ARL14EPL: variants seen among roughly 807,000 people sequenced by gnomAD.
ARL14EPL encodes the protein ARL14 effector protein-like.
A neutral mutation model predicts 15.9 loss-of-function variants in ARL14EPL; 17 were observed. The observed-to-expected ratio is 1.07, with a 90% CI of 0.73 to 1.60. ARL14EPL has a LOEUF of 1.60. ARL14EPL is among the 40% of genes most tolerant of loss of function. The pLI, the probability that ARL14EPL is intolerant of heterozygous loss-of-function variation, is 0.00. For missense variants in ARL14EPL, 214 were observed against 185.9 expected, an observed-to-expected ratio of 1.15 and a Z score of -0.88; for synonymous variants, 78 against 63.8, an observed-to-expected ratio of 1.22 and a Z score of -1.06.
chr5:116,047,694 T>A (rs976942036), intron 1 of ARL14EPL, among the ~76,000 whole-genome samples: 2 of 152,226 alleles, frequency 1.3e-5, no homozygotes, highest in African/African-American at 4.8e-5. Flanking sequence ...CAGGACCCTC[T>A]CTGGAATGGG....
chr5:116,044,327 C>G (rs115746373), intron 1 of ARL14EPL, among the ~76,000 whole-genome samples: 1,713 of 152,128 alleles, frequency 0.011, 23 homozygotes, highest in African/African-American at 0.037. Flanking sequence ...ATATCCAAAC[C>G]CTGGTGGCAG....
In ARL14EPL at chr5:116,058,968, A is replaced by G; in HGVS notation, c.*21A>G. 8 of 1,525,848 alleles carry G rather than the reference A, an allele frequency of 5.2e-6. No homozygotes were observed. Among genetic ancestry groups the G allele is most frequent in the Non-Finnish European group, 7.0e-6 (8 of 1,138,030 alleles). The allele number at this position is 1,525,848 out of a possible 1,614,324, so 94.5% of individuals were successfully genotyped here. Reference sequence around the variant, plus strand: ...ACTAGGTGCTCTTGTATATGGACTGATTTGTTTCTTCTTCTTACACATTTA... The same window carrying G: ...ACTAGGTGCTCTTGTATATGGACTGGTTTGTTTCTTCTTCTTACACATTTA... On this transcript the variant is annotated 3_prime_UTR_variant, in exon 4 of 4. Transcript: ENST00000686077.
chr5:116,034,987 A>AT (rs1376311531), intron 1 of ARL14EPL, among the ~76,000 whole-genome samples: 1 of 152,174 alleles, frequency 6.6e-6, no homozygotes, highest in Non-Finnish European at 1.5e-5. Flanking sequence ...TAAGATTTTC[A>AT]TTTTGTTTGA....
At chr5:116,052,727 A>G (rs1486739639) in intron 2 of ARL14EPL, among the ~76,000 whole-genome samples, 1 of 152,224 alleles carries the variant, frequency 6.6e-6, no homozygotes, top group Non-Finnish European at 1.5e-5. Flanking sequence ...ACATTATATT[A>G]TTTTAGACTT....
chr5:116,049,126 G>A (rs1390288347), intron 1 of ARL14EPL, among the ~76,000 whole-genome samples: 1 of 152,204 alleles, frequency 6.6e-6, no homozygotes, highest in Non-Finnish European at 1.5e-5. Flanking sequence ...ACCATCTTCA[G>A]TCAGGGACCA....
chr5:116,037,968 A>G (rs2112666466), intron 1 of ARL14EPL, among the ~76,000 whole-genome samples: 1 of 152,332 alleles, frequency 6.6e-6, no homozygotes, highest in African/African-American at 2.4e-5. Context: ...AAATGCTCTC[A>G]GTCACTGCTG....
intron 1 of ARL14EPL, among the ~76,000 whole-genome samples, chr5:116,050,355 C>G (rs1488170920): frequency 2.6e-5 from 4 of 152,166 alleles, no homozygotes; most frequent in Admixed American, 2.6e-4. Context: ...ATTTGGTTTT[C>G]GTTTTCTGTA....
At chr5:116,043,391 A>G (rs1749201303) in intron 1 of ARL14EPL, among the ~76,000 whole-genome samples, 1 of 152,126 alleles carries the variant, frequency 6.6e-6, no homozygotes, top group Admixed American at 6.5e-5. Context: ...TCTCTAAGAA[A>G]CCTGAGAATA....
At chr5:116,049,176 A>G (rs1483403592) in intron 1 of ARL14EPL, among the ~76,000 whole-genome samples, 1 of 152,220 alleles carries the variant, frequency 6.6e-6, no homozygotes, top group Non-Finnish European at 1.5e-5. Flanking sequence ...TGGAAAGACT[A>G]CATGGAGAAA....
intron 2 of ARL14EPL, 90 bp downstream of exon 2, chr5:116,051,651 G>A (rs971433116): frequency 2.7e-6 from 3 of 1,117,106 alleles, no homozygotes; most frequent in Admixed American, 4.5e-5. Flanking sequence ...TGGGAAGGTG[G>A]GCCCAGGCAG....
At chr5:116,046,224 A>G (rs913011938) in intron 1 of ARL14EPL, among the ~76,000 whole-genome samples, 1 of 152,210 alleles carries the variant, frequency 6.6e-6, no homozygotes, top group Non-Finnish European at 1.5e-5. Flanking sequence ...TATCTTACAG[A>G]TAGTGTCCCT....
At chr5:116,049,890 T>A (rs543567109) in intron 1 of ARL14EPL, among the ~76,000 whole-genome samples, 70 of 152,296 alleles carry the variant, frequency 4.6e-4, no homozygotes, top group African/African-American at 1.7e-3. Context: ...CCCAAAAAAA[T>A]AAATTAAAAT....
At chr5:116,053,745 A>G (rs61693992) in intron 2 of ARL14EPL, among the ~76,000 whole-genome samples, 3,232 of 152,300 alleles carry the variant, frequency 0.021, 115 homozygotes, top group African/African-American at 0.074. Flanking sequence ...TTGCGGTTTT[A>G]AAAAGAATTC....
intron 1 of ARL14EPL, among the ~76,000 whole-genome samples, chr5:116,043,830 T>G (rs116089347): frequency 0.013 from 1,979 of 152,300 alleles, 46 homozygotes; most frequent in African/African-American, 0.045. Flanking sequence ...TTACTACCTT[T>G]GCCTTCGGCC....
intron 1 of ARL14EPL, among the ~76,000 whole-genome samples, chr5:116,050,814 CTT>C (rs1318650496): frequency 7.4e-4 from 96 of 129,222 alleles, no homozygotes; most frequent in South Asian, 7.6e-4. Flanking sequence ...CTCTCTCTCT[CTT>C]ACACACACAC....
chr5:116,053,890 T>G (rs1028189381), intron 2 of ARL14EPL, 124 bp from the exon 3 acceptor site: 1 of 756,752 alleles, frequency 1.3e-6, no homozygotes, highest in Non-Finnish European at 1.9e-6. Context: ...CGTTTATGTC[T>G]TTGTGTAAAA....
At chr5:116,037,574 T>TTTTG (rs957983335) in intron 1 of ARL14EPL, among the ~76,000 whole-genome samples, 5 of 152,192 alleles carry the variant, frequency 3.3e-5, no homozygotes, top group African/African-American at 1.2e-4. Flanking sequence ...ACAAGAGTTT[T>TTTTG]TTTGTTTGTT....
rs575253297 is a variant in ARL14EPL, at chr5:116,039,417, G to C, written c.-10+6912G>C. 2.0e-5 allele frequency among the ~76,000 whole-genome samples: 3 copies of C among 152,058 alleles called. No individual in the cohort carries two copies. The South Asian group carries it at 6.3e-4, about 32-fold the overall frequency. Reference sequence around the variant, plus strand: ...AGAAGAACAAATATACTACAAAGCAGAATAAAAGACCAAAAAAACTTCTCC... The same window carrying C: ...AGAAGAACAAATATACTACAAAGCACAATAAAAGACCAAAAAAACTTCTCC... On this transcript the variant is annotated intron_variant, in intron 1 of 3. Coordinates refer to ENST00000686077, the MANE Select transcript of ARL14EPL (RefSeq NM_001195581.2).
chr5:116,045,814 C>T (rs1749257231), intron 1 of ARL14EPL, among the ~76,000 whole-genome samples: 1 of 150,796 alleles, frequency 6.6e-6, no homozygotes, highest in Non-Finnish European at 1.5e-5. Context: ...AAAAGTATGG[C>T]TAGGAATCTG....
Sources: allele counts gnomAD v4.1 joint callset (sites outside exome capture counted in the v4.1 genomes callset), GRCh38; gene constraint gnomAD v4.1.1; transcripts MANE v1.5; gene names NCBI Gene and HGNC (gene_info 2026-07-23, HGNC 2026-07-21).